Variants in DAAM1 observed in about 807,000 individuals in gnomAD.
DAAM1 encodes the protein dishevelled associated activator of morphogenesis 1.
DAAM1 carries 52 observed loss-of-function variants against 130.0 expected under a neutral mutation model. That is an observed-to-expected ratio of 0.40 (90% CI 0.32 to 0.50). The LOEUF (loss-of-function observed/expected upper bound fraction) is 0.50, where lower values mean the gene tolerates loss of function less well. DAAM1 is among the 20% of genes least tolerant of loss of function. DAAM1 has a pLI of 0.61. For synonymous variants in DAAM1, 452 were observed against 444.5 expected (o/e 1.02, Z -0.21); for missense variants, 1,134 against 1,303.8 (o/e 0.87, Z 2.01).
intron 1 of DAAM1, among the ~76,000 whole-genome samples, chr14:59,191,133 G>A (rs1887717318): frequency 6.6e-6 from 1 of 152,202 alleles, no homozygotes; most frequent in Non-Finnish European, 1.5e-5. Flanking sequence ...ATGGGGGAAA[G>A]TGTGTATATG....
At chr14:59,339,976 G>A in intron 15 of DAAM1, 98 bp from the exon 16 acceptor site, 2 of 981,056 alleles carry the variant, frequency 2.0e-6, no homozygotes, top group Non-Finnish European at 3.1e-6. Flanking sequence ...ATACGAGTGT[G>A]TGTATGTGTA....
chr14:59,301,662 C>G (rs538008134), intron 3 of DAAM1, among the ~76,000 whole-genome samples: 1 of 152,270 alleles, frequency 6.6e-6, no homozygotes, highest in East Asian at 1.9e-4. Flanking sequence ...CTGGGGCTCA[C>G]GCAATCAGCC....
chr14:59,200,030 G>A (rs767844861), intron 1 of DAAM1, among the ~76,000 whole-genome samples: 5 of 152,196 alleles, frequency 3.3e-5, no homozygotes, highest in Admixed American at 1.3e-4. Flanking sequence ...GGGAAACTGC[G>A]CCACCCTGCT....
chr14:59,232,969 A>G (rs1325270830), intron 1 of DAAM1, among the ~76,000 whole-genome samples: 1 of 152,086 alleles, frequency 6.6e-6, no homozygotes, highest in Non-Finnish European at 1.5e-5. Flanking sequence ...AAAGGACATG[A>G]GCTCATTCTT....
rs111789355 is a variant in DAAM1, at chr14:59,336,970, C to T, written c.1969-3104C>T. 1.4e-3 allele frequency among the ~76,000 whole-genome samples: 219 copies of T among 152,256 alleles called. 1 individual carries two copies. Among genetic ancestry groups the T allele is most frequent in the African/African-American group, 5.0e-3 (207 of 41,548 alleles). Reference sequence around the variant, plus strand: ...TAGACTGAGCCCCAAGCCACACACCCGGTAAATAACAGTTGCCTGATTCCA... The same window carrying T: ...TAGACTGAGCCCCAAGCCACACACCTGGTAAATAACAGTTGCCTGATTCCA... On this transcript the variant is annotated intron_variant, in intron 15 of 24. Coordinates refer to ENST00000360909, the MANE Select transcript of DAAM1 (RefSeq NM_001270520.2).
chr14:59,334,119 T>C (rs1423211853), intron 15 of DAAM1, among the ~76,000 whole-genome samples: 2 of 152,206 alleles, frequency 1.3e-5, no homozygotes, highest in Non-Finnish European at 2.9e-5. Flanking sequence ...GGTTTTCTCT[T>C]TTGGTGCAAG....
chr14:59,310,327 T>A (rs1438683202), intron 3 of DAAM1, among the ~76,000 whole-genome samples: 1 of 152,096 alleles, frequency 6.6e-6, no homozygotes, highest in Non-Finnish European at 1.5e-5. Context: ...GAGATGGGGT[T>A]TCACCATATT....
rs898299383 is a variant in DAAM1 at position 59,371,248 on chromosome 14, CTT to C, written c.*2390_*2391del. On this transcript the variant is annotated 3_prime_UTR_variant, in exon 25 of 25. Coordinates refer to ENST00000360909, the MANE Select transcript of DAAM1 (RefSeq NM_001270520.2). Reference sequence around the variant, plus strand: ...ATAATTTGTAAACTTAATTATATGTCTTATATCTTATTAGCTTAGTAGTTGGA... The same window carrying C: ...ATAATTTGTAAACTTAATTATATGTCATATCTTATTAGCTTAGTAGTTGGA... 2 of 151,316 alleles carry C rather than the reference CTT, an allele frequency of 1.3e-5. No individual in the cohort carries two copies. Among genetic ancestry groups the C allele is most frequent in the Non-Finnish European group, 1.5e-5 (1 of 67,858 alleles). The allele number at this position is 151,316 out of a possible 1,614,324, so 9.4% of individuals were successfully genotyped here.
chr14:59,205,941 C>G (rs995727764), intron 1 of DAAM1, among the ~76,000 whole-genome samples: 1 of 152,044 alleles, frequency 6.6e-6, no homozygotes, highest in Non-Finnish European at 1.5e-5. Flanking sequence ...AGACAGGGTC[C>G]AGGGTAGACC....
chr14:59,360,176 A>G (rs1405692944), intron 21 of DAAM1, among the ~76,000 whole-genome samples: 3 of 152,244 alleles, frequency 2.0e-5, no homozygotes, highest in African/African-American at 7.2e-5. Flanking sequence ...TATGTTGTAA[A>G]TTATCTGGGA....
chr14:59,359,616 T>C (rs570970777), intron 21 of DAAM1, 112 bp downstream of exon 21: 3 of 709,638 alleles, frequency 4.2e-6, no homozygotes, highest in Non-Finnish European at 7.1e-6. Context: ...CCCCTGATCA[T>C]TGTATGAAAT....
At chr14:59,231,917 G>A (rs377172243) in intron 1 of DAAM1, among the ~76,000 whole-genome samples, 68 of 152,316 alleles carry the variant, frequency 4.5e-4, no homozygotes, top group South Asian at 2.3e-3. Flanking sequence ...GAGTCTTTGG[G>A]AGGTAATTTT....
intron 1 of DAAM1, among the ~76,000 whole-genome samples, chr14:59,252,815 G>A (rs1171323882): frequency 6.6e-6 from 1 of 152,242 alleles, no homozygotes; most frequent in Non-Finnish European, 1.5e-5. Context: ...TAGATGGTAT[G>A]AGGAGACAGA....
chr14:59,272,148 A>G (rs998985427), intron 2 of DAAM1, among the ~76,000 whole-genome samples: 8 of 152,232 alleles, frequency 5.3e-5, no homozygotes, highest in African/African-American at 1.9e-4. Context: ...TAATGAGGGA[A>G]TTGATACTAA....
intron 14 of DAAM1, 140 bp from the exon 15 acceptor site, chr14:59,331,673 A>T: frequency 6.7e-7 from 1 of 1,499,218 alleles, no homozygotes; most frequent in Non-Finnish European, 8.9e-7. Flanking sequence ...TCTGAAATAA[A>T]TGACACATTG....
At chr14:59,232,021 C>T (rs1889125185) in intron 1 of DAAM1, among the ~76,000 whole-genome samples, 1 of 152,180 alleles carries the variant, frequency 6.6e-6, no homozygotes. Context: ...AGAGCTAGTA[C>T]TATTTTATCC....
At chr14:59,356,044 G>T (rs1015520304) in intron 20 of DAAM1, among the ~76,000 whole-genome samples, 1 of 152,154 alleles carries the variant, frequency 6.6e-6, no homozygotes, top group Non-Finnish European at 1.5e-5. Flanking sequence ...ATGTGAAAAC[G>T]TTCTTGTGTC....
chr14:59,291,433 G>T, intron 3 of DAAM1, 127 bp downstream of exon 3: 1 of 737,194 alleles, frequency 1.4e-6, no homozygotes, highest in Non-Finnish European at 2.1e-6. Flanking sequence ...GTTATGTTGT[G>T]GCTGTGGTGC....
chr14:59,291,864 A>G (rs1883753898), intron 3 of DAAM1, among the ~76,000 whole-genome samples: 1 of 152,254 alleles, frequency 6.6e-6, no homozygotes, highest in South Asian at 2.1e-4. Context: ...GCATGGCCAC[A>G]TCCACTGAAA....
Sources: gnomAD v4.1 joint callset for allele counts (sites outside exome capture counted in the v4.1 genomes callset) on GRCh38, gnomAD v4.1.1 for gene constraint, MANE v1.5 for transcripts, NCBI Gene and HGNC (gene_info 2026-07-23, HGNC 2026-07-21) for gene names.